Variants in RAPGEF4 observed in about 807,000 individuals in gnomAD.
RAPGEF4 encodes RAP guanine-nucleotide-exchange factor (GEF) 4.
In RAPGEF4, 66 loss-of-function variants were observed where a neutral mutation model predicts 147.9. The ratio of observed to expected loss-of-function variants is 0.45; its 90% confidence interval spans 0.37 to 0.55. RAPGEF4 has a LOEUF of 0.55. Ranked by LOEUF, RAPGEF4 falls within the 20% of genes least tolerant of loss-of-function variation. The pLI, the probability that RAPGEF4 is intolerant of heterozygous loss-of-function variation, is 0.00. For synonymous variants in RAPGEF4, 419 were observed against 442.7 expected (o/e 0.95, Z 0.67); for missense variants, 1,071 against 1,257.3 (o/e 0.85, Z 2.24).
intron 4 of RAPGEF4, among the ~76,000 whole-genome samples, chr2:172,824,151 G>T (rs1689413893): frequency 6.6e-6 from 1 of 152,230 alleles, no homozygotes; most frequent in African/African-American, 2.4e-5. Flanking sequence ...AAGGGAAGAA[G>T]AACTTTTTGG....
chr2:172,862,955 A>G (rs1162831810), intron 4 of RAPGEF4, among the ~76,000 whole-genome samples: 1 of 152,166 alleles, frequency 6.6e-6, no homozygotes, highest in Non-Finnish European at 1.5e-5. Context: ...GTAGGATGGC[A>G]GGAAAGCTGG....
intron 4 of RAPGEF4, among the ~76,000 whole-genome samples, chr2:172,897,693 T>G (rs1698631269): frequency 7.1e-6 from 1 of 140,062 alleles, no homozygotes. Flanking sequence ...TGAGCCACCA[T>G]GCCCAGACTC....
At chr2:172,799,366 C>A (rs1436252851) in intron 3 of RAPGEF4, among the ~76,000 whole-genome samples, 1 of 152,132 alleles carries the variant, frequency 6.6e-6, no homozygotes, top group Non-Finnish European at 1.5e-5. Context: ...CAGTCAGGCA[C>A]CTGAACAGAT....
At chr2:172,950,367 A>G (rs989475377) in intron 6 of RAPGEF4, among the ~76,000 whole-genome samples, 6 of 152,178 alleles carry the variant, frequency 3.9e-5, no homozygotes, top group African/African-American at 9.7e-5. Flanking sequence ...TAGAATAAGG[A>G]TAAGGATTGA....
chr2:172,973,285 T>C (rs1432159394), intron 10 of RAPGEF4, among the ~76,000 whole-genome samples: 1 of 151,948 alleles, frequency 6.6e-6, no homozygotes, highest in Non-Finnish European at 1.5e-5. Context: ...GCTAATTTTT[T>C]AGTTTTTTAT....
At chr2:172,962,655 A>G (rs191096779) in intron 8 of RAPGEF4, among the ~76,000 whole-genome samples, 18 of 152,150 alleles carry the variant, frequency 1.2e-4, no homozygotes, top group African/African-American at 4.3e-4. Flanking sequence ...TTGACAGTGT[A>G]TTACATTTAG....
intron 1 of RAPGEF4, among the ~76,000 whole-genome samples, chr2:172,742,418 GT>G (rs1369666938): frequency 1.3e-5 from 2 of 151,984 alleles, no homozygotes; most frequent in Non-Finnish European, 2.9e-5. Flanking sequence ...CCTCCATGCA[GT>G]TTTTTAAAAC....
intron 3 of RAPGEF4, among the ~76,000 whole-genome samples, chr2:172,808,228 A>T (rs947104809): frequency 2.6e-5 from 4 of 152,242 alleles, no homozygotes; most frequent in Non-Finnish European, 4.4e-5. Flanking sequence ...AACGCCTCAT[A>T]TGAGAATGTC....
At chr2:172,888,732 G>C (rs759077070) in intron 4 of RAPGEF4, among the ~76,000 whole-genome samples, 10 of 152,298 alleles carry the variant, frequency 6.6e-5, no homozygotes, top group Non-Finnish European at 1.5e-4. Context: ...GACGTGGCTT[G>C]TTATGATCGA....
intron 1 of RAPGEF4, among the ~76,000 whole-genome samples, chr2:172,789,462 G>T (rs1426362883): frequency 6.7e-6 from 1 of 149,828 alleles, no homozygotes; most frequent in East Asian, 2.0e-4. Context: ...TTATTTTATT[G>T]TGTTAAGAAC....
At chr2:172,865,927 T>C (rs1313392215) in intron 4 of RAPGEF4, among the ~76,000 whole-genome samples, 1 of 152,182 alleles carries the variant, frequency 6.6e-6, no homozygotes, top group East Asian at 1.9e-4. Flanking sequence ...TTCTAGTCCC[T>C]CAGGTTAAGA....
rs10534191 is a variant in RAPGEF4 at position 172,925,587 on chromosome 2, T to TACACACACACAC, written c.537+3306_537+3317dup. ...AGGACACATAGTGAGACTCTGTCTG[T>TACACACACACAC]ACACACACACACACACACACACACA... On this transcript the variant is annotated intron_variant, in intron 6 of 30. Transcript: ENST00000397081. Among the ~76,000 whole-genome samples the TACACACACACAC allele has an allele frequency of 2.7e-5, 4 of 147,098 alleles. No homozygotes were observed. The South Asian group carries it at 8.8e-4, about 32-fold the overall frequency.
intron 6 of RAPGEF4, among the ~76,000 whole-genome samples, chr2:172,949,958 A>C (rs1688047626): frequency 6.6e-6 from 1 of 152,240 alleles, no homozygotes; most frequent in Non-Finnish European, 1.5e-5. Context: ...AGAAATGGAA[A>C]CTTGCCTTTC....
intron 4 of RAPGEF4, among the ~76,000 whole-genome samples, chr2:172,849,796 C>T (rs988652672): frequency 1.3e-5 from 2 of 152,232 alleles, no homozygotes; most frequent in Admixed American, 6.5e-5. Context: ...AGTTTCCTTA[C>T]CTGAAAATTG....
At chr2:172,813,443 T>C (rs958357429) in intron 3 of RAPGEF4, among the ~76,000 whole-genome samples, 2 of 152,238 alleles carry the variant, frequency 1.3e-5, no homozygotes, top group Non-Finnish European at 2.9e-5. Flanking sequence ...TGACATTTTA[T>C]AAGCTAGTCA....
intron 17 of RAPGEF4, among the ~76,000 whole-genome samples, chr2:173,008,092 TAGTG>T (rs1439866780): frequency 6.6e-6 from 1 of 152,092 alleles, no homozygotes; most frequent in Non-Finnish European, 1.5e-5. Context: ...GTTCTCGTGA[TAGTG>T]AGTGAGTTCT....
At chr2:172,788,845 A>G (rs1259844335) in intron 1 of RAPGEF4, among the ~76,000 whole-genome samples, 1 of 152,166 alleles carries the variant, frequency 6.6e-6, no homozygotes, top group Admixed American at 6.5e-5. Flanking sequence ...AGTGAGCCAT[A>G]ATCATGCCAC....
chr2:173,015,572 C>T (rs915728780), intron 18 of RAPGEF4, among the ~76,000 whole-genome samples: 2 of 152,102 alleles, frequency 1.3e-5, no homozygotes, highest in Non-Finnish European at 2.9e-5. Flanking sequence ...TTTGAAAATG[C>T]GAGGAATGGC....
chr2:172,940,068 T>C (rs2105322317), intron 6 of RAPGEF4, among the ~76,000 whole-genome samples: 1 of 152,284 alleles, frequency 6.6e-6, no homozygotes, highest in South Asian at 2.1e-4. Context: ...TTGGTAACTA[T>C]GACAGTTTTA....
Sources: gnomAD v4.1 joint callset for allele counts (sites outside exome capture counted in the v4.1 genomes callset) on GRCh38, gnomAD v4.1.1 for gene constraint, MANE v1.5 for transcripts, NCBI Gene and HGNC (gene_info 2026-07-23, HGNC 2026-07-21) for gene names.